SLC44A5: variants seen among roughly 807,000 people sequenced by gnomAD.
SLC44A5 encodes the protein solute carrier family 44 member 5.
A neutral mutation model predicts 101.8 loss-of-function variants in SLC44A5; 57 were observed. The ratio of observed to expected loss-of-function variants is 0.56; its 90% CI spans 0.45 to 0.70. The LOEUF is 0.70. SLC44A5 is among the 30% of genes least tolerant of loss of function. The pLI, the probability that SLC44A5 is intolerant of heterozygous loss-of-function variation, is 0.00. For missense variants in SLC44A5, 737 were observed against 853.1 expected (o/e 0.86, Z 1.70); for synonymous variants, 281 against 290.9 (o/e 0.97, Z 0.35).
intron 4 of SLC44A5, among the ~76,000 whole-genome samples, chr1:75,320,476 G>A (rs951697577): frequency 6.6e-6 from 1 of 152,086 alleles, no homozygotes; most frequent in Non-Finnish European, 1.5e-5. Context: ...AAATGCCTAT[G>A]TATTGTACTC....
At chr1:75,691,460 T>C in the SLC44A5 span, among the ~76,000 whole-genome samples, 1 of 152,168 alleles carries the variant, frequency 6.6e-6, no homozygotes, top group East Asian at 1.9e-4. Flanking sequence ...GAAATCAGTT[T>C]CCCTGGAAGC....
chr1:75,621,309 A>G, the SLC44A5 span, among the ~76,000 whole-genome samples: 1 of 152,188 alleles, frequency 6.6e-6, no homozygotes, highest in Admixed American at 6.5e-5. Flanking sequence ...CATGTCGTAT[A>G]ATCATTATTC....
the SLC44A5 span, among the ~76,000 whole-genome samples, chr1:75,681,397 A>G: frequency 6.6e-6 from 1 of 151,826 alleles, no homozygotes. Flanking sequence ...CACATCAAAA[A>G]GCTTATCCAC....
At chr1:75,671,097 AG>A in the SLC44A5 span, among the ~76,000 whole-genome samples, 1 of 152,176 alleles carries the variant, frequency 6.6e-6, no homozygotes, top group Non-Finnish European at 1.5e-5. Flanking sequence ...GGAATGAGTA[AG>A]GTAAGGTAGG....
chr1:75,210,868 AT>A (rs1270319707), intron 23 of SLC44A5, among the ~76,000 whole-genome samples: 1 of 152,052 alleles, frequency 6.6e-6, no homozygotes. Flanking sequence ...TTGAGGTATA[AT>A]TTTTTTATCC....
At chr1:75,270,267 ATAATT>A (rs1651358387) in intron 6 of SLC44A5, among the ~76,000 whole-genome samples, 2 of 152,166 alleles carry the variant, frequency 1.3e-5, no homozygotes, top group African/African-American at 2.4e-5. Flanking sequence ...AAGTCCAAAT[ATAATT>A]TAGAGTAACT....
intron 6 of SLC44A5, among the ~76,000 whole-genome samples, chr1:75,272,789 T>C (rs1338807988): frequency 1.3e-5 from 2 of 152,202 alleles, no homozygotes; most frequent in African/African-American, 4.8e-5. Flanking sequence ...TTGGTGACTA[T>C]GGCCTTAAAG....
intron 20 of SLC44A5, 75 bp downstream of exon 20, chr1:75,214,526 TTAAA>T (rs1646923055): frequency 2.6e-6 from 3 of 1,136,882 alleles, no homozygotes; most frequent in Non-Finnish European, 3.8e-6. Flanking sequence ...CACCAACACT[TTAAA>T]TAACAACATG....
At chr1:75,484,568 G>A (rs1410731298) in intron 2 of SLC44A5, among the ~76,000 whole-genome samples, 3 of 152,190 alleles carry the variant, frequency 2.0e-5, no homozygotes, top group African/African-American at 4.8e-5. Context: ...TTTTCCAGGT[G>A]CACAGTGCAA....
At chr1:75,574,635 G>C (rs904815307) in intron 1 of SLC44A5, among the ~76,000 whole-genome samples, 2 of 152,146 alleles carry the variant, frequency 1.3e-5, no homozygotes, top group Non-Finnish European at 2.9e-5. Context: ...GCACCCTATA[G>C]ACCAAGCCCT....
At chr1:75,560,241 A>C (rs1256580603) in intron 1 of SLC44A5, among the ~76,000 whole-genome samples, 2 of 152,218 alleles carry the variant, frequency 1.3e-5, no homozygotes, top group African/African-American at 4.8e-5. Context: ...ATATGTTTGT[A>C]GCTACGTTAA....
At chr1:75,280,972 T>C (rs612118) in intron 5 of SLC44A5, among the ~76,000 whole-genome samples, 116,385 of 151,948 alleles carry the variant, frequency 0.77, 45,139 homozygotes, top group East Asian at 0.97. Context: ...AATGGGGTGC[T>C]GCTATAAAGA....
the SLC44A5 span, among the ~76,000 whole-genome samples, chr1:75,705,464 T>C: frequency 2.6e-5 from 4 of 152,318 alleles, no homozygotes; most frequent in Admixed American, 1.3e-4. Flanking sequence ...GTTTACACTT[T>C]CCTCTTGATA....
chr1:75,234,424 AT>A (rs1170939027), intron 11 of SLC44A5, among the ~76,000 whole-genome samples: 2 of 151,966 alleles, frequency 1.3e-5, no homozygotes, highest in African/African-American at 2.4e-5. Flanking sequence ...GCCATGTCTT[AT>A]TTTTTCCCTT....
chr1:75,709,171 C>T, the SLC44A5 span, among the ~76,000 whole-genome samples: 1 of 152,180 alleles, frequency 6.6e-6, no homozygotes, highest in Non-Finnish European at 1.5e-5. Flanking sequence ...ACTCTTTAAC[C>T]TATAACCAAA....
At chr1:75,453,479 G>C (rs990871856) in intron 2 of SLC44A5, among the ~76,000 whole-genome samples, 29 of 151,978 alleles carry the variant, frequency 1.9e-4, no homozygotes, top group African/African-American at 7.0e-4. Context: ...AGAGGAACTA[G>C]AAAAACAAGA....
At chr1:75,526,473 T>G (rs1043305446) in intron 2 of SLC44A5, among the ~76,000 whole-genome samples, 1 of 152,186 alleles carries the variant, frequency 6.6e-6, no homozygotes, top group African/African-American at 2.4e-5. Flanking sequence ...TTGTCTACCC[T>G]TATCGCAGAG....
At chr1:75,211,970 G>C (rs1406627588) in intron 22 of SLC44A5, among the ~76,000 whole-genome samples, 2 of 147,312 alleles carry the variant, frequency 1.4e-5, no homozygotes, top group Non-Finnish European at 3.0e-5. Flanking sequence ...TTCTCCCTCG[G>C]ATAACAGTTT....
chr1:75,209,630 A>G (rs1380443847), intron 23 of SLC44A5, among the ~76,000 whole-genome samples: 10 of 152,208 alleles, frequency 6.6e-5, no homozygotes, highest in Admixed American at 6.5e-4. Flanking sequence ...TTGTCCGGTT[A>G]TTGAGAATTG....
Sources: allele counts gnomAD v4.1 joint callset (sites outside exome capture counted in the v4.1 genomes callset), GRCh38; gene constraint gnomAD v4.1.1; transcripts MANE v1.5; gene names NCBI Gene and HGNC (gene_info 2026-07-23, HGNC 2026-07-21).